GHR: variants seen among roughly 807,000 people sequenced by gnomAD.
GHR encodes GH receptor.
In GHR, 35 loss-of-function variants were observed where a neutral mutation model predicts 67.1. The observed-to-expected ratio is 0.52, with a 90% CI of 0.40 to 0.69. GHR has a LOEUF of 0.69. Among genes scored for constraint, GHR ranks in the 30% least tolerant of loss-of-function variants. The pLI is 0.00. For synonymous variants in GHR, 272 were observed against 269.1 expected, an observed-to-expected ratio of 1.01 and a Z score of -0.10; for missense variants, 792 against 764.6, an observed-to-expected ratio of 1.04 and a Z score of -0.42.
chr5:42,680,780 C>T lies in GHR; in HGVS notation c.137-8110C>T, dbSNP rs145966598. ...TCAGCCTCCCAAAGTGCTGGAATTA[C>T]AGGTGTGAGCCACTGCTCCCAGCCC... On this transcript the variant is annotated intron_variant, in intron 3 of 9. Coordinates refer to ENST00000230882, the MANE Select transcript of GHR (RefSeq NM_000163.5). 9.2e-3 allele frequency among the ~76,000 whole-genome samples: 1,398 copies of T among 152,202 alleles called. 20 individuals carry two copies. Among genetic ancestry groups the T allele is most frequent in the Admixed American group, 0.014 (214 of 15,290 alleles).
intron 1 of GHR, chr5:42,468,048 T>G: frequency 1.2e-6 from 1 of 858,382 alleles, no homozygotes; most frequent in Non-Finnish European, 1.9e-6. Flanking sequence ...TTCTGGATTC[T>G]TCCTAATATG....
At chr5:42,638,497 C>T (rs974438733) in intron 3 of GHR, among the ~76,000 whole-genome samples, 5 of 152,154 alleles carry the variant, frequency 3.3e-5, no homozygotes, top group African/African-American at 1.2e-4. Flanking sequence ...TGCACACCAG[C>T]CTTTATGATA....
chr5:42,467,335 A>G lies in GHR; in HGVS notation c.-12+43380A>G, dbSNP rs192353489. 169 of 1,071,818 alleles carry G rather than the reference A, an allele frequency of 1.6e-4. No homozygotes were observed. In the East Asian group the frequency reaches 3.9e-3, roughly 24 times the overall value. 66.4% of individuals were successfully genotyped at this position (1,071,818 alleles called of 1,614,324 possible). On this transcript the variant is annotated intron_variant, in intron 1 of 9. Transcript: ENST00000230882. ...ACCAGTATGGCTTCGCTGATGTACA[A>G]TAAGATTTGCAATCTGCGTAAAGGC...
intron 3 of GHR, among the ~76,000 whole-genome samples, chr5:42,679,863 T>C (rs955114697): frequency 3.3e-5 from 5 of 152,302 alleles, no homozygotes; most frequent in African/African-American, 1.2e-4. Context: ...TGCTGTCATA[T>C]TGTTATTCTG....
intron 1 of GHR, among the ~76,000 whole-genome samples, chr5:42,509,555 T>C (rs1263145233): frequency 6.6e-6 from 1 of 152,252 alleles, no homozygotes; most frequent in Non-Finnish European, 1.5e-5. Context: ...AGAGAGCTTC[T>C]ATCAAAGATG....
At position 42,694,955 on chromosome 5, in the gene GHR, C is replaced by T; in HGVS notation, c.305C>T (p.Pro102Leu). 6.2e-7 allele frequency: 1 copy of T among 1,611,196 alleles called. No homozygotes were observed. The highest frequency in any genetic ancestry group is 1.1e-5 in the South Asian group (1 of 90,818). The change falls in exon 5 of 10, where the codon CCT (proline) becomes CTT (leucine). Residue 102 changes from proline to leucine, a missense_variant. Coordinates refer to ENST00000230882, the MANE Select transcript of GHR (RefSeq NM_000163.5). ...TGGACTCAAGAATGGAAAGAATGCC[C>T]TGATTATGTTTCTGCTGGGGAAAAC... ...QEWTQEWKECPDYVSAGENSC... is the reference protein window; with the variant it reads ...QEWTQEWKECLDYVSAGENSC...
chr5:42,601,999 C>G (rs1752398321), intron 2 of GHR, among the ~76,000 whole-genome samples: 1 of 152,000 alleles, frequency 6.6e-6, no homozygotes, highest in South Asian at 2.1e-4. Context: ...TAACAGTTAA[C>G]CAATTTCTTT....
At chr5:42,497,847 G>A (rs1431072839) in intron 1 of GHR, among the ~76,000 whole-genome samples, 1 of 152,128 alleles carries the variant, frequency 6.6e-6, no homozygotes, top group Non-Finnish European at 1.5e-5. Flanking sequence ...CAGGTGATTT[G>A]CATTTCTATA....
At chr5:42,471,223 A>G (rs935528120) in intron 1 of GHR, among the ~76,000 whole-genome samples, 4 of 152,176 alleles carry the variant, frequency 2.6e-5, no homozygotes, top group Non-Finnish European at 5.9e-5. Flanking sequence ...CAATAGGTCA[A>G]CTGGCTTTCA....
At chr5:42,445,250 A>C (rs991777071) in intron 1 of GHR, among the ~76,000 whole-genome samples, 3 of 152,216 alleles carry the variant, frequency 2.0e-5, no homozygotes, top group Admixed American at 1.3e-4. Context: ...ATGCTTTTAG[A>C]CTGAAGGAGA....
At chr5:42,621,710 T>A (rs1312830303) in intron 2 of GHR, among the ~76,000 whole-genome samples, 2 of 152,242 alleles carry the variant, frequency 1.3e-5, no homozygotes, top group Non-Finnish European at 2.9e-5. Context: ...AAGTTTGTTA[T>A]CTACTATTTT....
At chr5:42,709,048 T>C (rs527934423) in intron 6 of GHR, among the ~76,000 whole-genome samples, 1 of 152,138 alleles carries the variant, frequency 6.6e-6, no homozygotes, top group South Asian at 2.1e-4. Flanking sequence ...AGAAAACAGG[T>C]TTATAGGTAA....
At chr5:42,627,308 A>T (rs547541630) in intron 2 of GHR, among the ~76,000 whole-genome samples, 9 of 152,150 alleles carry the variant, frequency 5.9e-5, no homozygotes, top group African/African-American at 1.9e-4. Context: ...ATCTTTTTTT[A>T]AAAAATTGTT....
intron 1 of GHR, among the ~76,000 whole-genome samples, chr5:42,525,187 T>C (rs1440039545): frequency 6.6e-6 from 1 of 152,118 alleles, no homozygotes; most frequent in Admixed American, 6.5e-5. Flanking sequence ...AGTCACTCAA[T>C]GCCAGCCCAT....
At chr5:42,474,188 CTGAAAGAGAGAGAGAGA>C (rs1279295361) in intron 1 of GHR, among the ~76,000 whole-genome samples, 3 of 145,068 alleles carry the variant, frequency 2.1e-5, no homozygotes, top group Admixed American at 7.1e-5. Context: ...GACTCAGTCT[CTGAAAGAGAGAGAGAGA>C]TGAAAGAGAG....
chr5:42,648,287 G>A (rs1162405334), intron 3 of GHR, among the ~76,000 whole-genome samples: 2 of 152,116 alleles, frequency 1.3e-5, no homozygotes, highest in Admixed American at 1.3e-4. Flanking sequence ...ATTCCCAAAG[G>A]ACAGGAAATT....
chr5:42,719,854 C>G lies in GHR; in HGVS notation c.*430C>G, dbSNP rs553297204. 6.2e-6 allele frequency: 1 copy of G among 160,400 alleles called. No homozygotes were observed. The highest frequency in any genetic ancestry group is 2.4e-5 in the African/African-American group (1 of 41,454). The allele number at this position is 160,400 out of a possible 1,614,324, so 9.9% of individuals were successfully genotyped here. A position where few individuals can be genotyped will look rare whatever the true frequency, so the allele number is the denominator to read the frequency against. ...TTTTTGTTGTTTCTTAAATAAGAAACTTTTTTATTTAAAAAACTAAAAACT... is the reference window on the plus strand; with the variant it reads ...TTTTTGTTGTTTCTTAAATAAGAAAGTTTTTTATTTAAAAAACTAAAAACT... On this transcript the variant is annotated 3_prime_UTR_variant, in exon 10 of 10. Transcript: ENST00000230882.
At chr5:42,481,041 A>G (rs1745607136) in intron 1 of GHR, among the ~76,000 whole-genome samples, 1 of 151,814 alleles carries the variant, frequency 6.6e-6, no homozygotes, top group Non-Finnish European at 1.5e-5. Context: ...GTTCCTTTCC[A>G]TGTTTAGTGC....
chr5:42,537,016 T>C (rs1748287533), intron 1 of GHR, among the ~76,000 whole-genome samples: 2 of 152,090 alleles, frequency 1.3e-5, no homozygotes, highest in African/African-American at 4.8e-5. Flanking sequence ...TATCCCCCAT[T>C]TTGTTTCTTA....
Sources: gnomAD v4.1 joint callset for allele counts (sites outside exome capture counted in the v4.1 genomes callset) on GRCh38, gnomAD v4.1.1 for gene constraint, MANE v1.5 for transcripts, NCBI Gene and HGNC (gene_info 2026-07-23, HGNC 2026-07-21) for gene names.